GUCY1B1: variants seen among roughly 807,000 people sequenced by gnomAD.
The protein encoded by GUCY1B1 is guanylate cyclase soluble subunit beta-1.
A neutral mutation model predicts 71.0 loss-of-function variants in GUCY1B1; 43 were observed. That is an observed-to-expected ratio of 0.61 (90% CI 0.47 to 0.78). The LOEUF (loss-of-function observed/expected upper bound fraction) is 0.78, where lower values mean the gene tolerates loss of function less well. GUCY1B1 is among the 30% of genes least tolerant of loss of function. The pLI, the probability that GUCY1B1 is intolerant of heterozygous loss-of-function variation, is 0.00. For synonymous variants in GUCY1B1, 266 were observed against 259.7 expected, an observed-to-expected ratio of 1.02 and a Z score of -0.23; for missense variants, 535 against 754.1, an observed-to-expected ratio of 0.71 and a Z score of 3.40.
At chr4:155,795,315 C>G (rs748991158) in intron 6 of GUCY1B1, 26 bp from the exon 7 acceptor site, 5 of 1,156,822 alleles carry the variant, frequency 4.3e-6, no homozygotes, top group Non-Finnish European at 6.5e-6. Flanking sequence ...TGATGTGATA[C>G]TCTTTGCTCT....
chr4:155,795,999 T>A (rs2111141529), intron 7 of GUCY1B1, among the ~76,000 whole-genome samples: 1 of 152,310 alleles, frequency 6.6e-6, no homozygotes, highest in East Asian at 1.9e-4. Flanking sequence ...TGGAACTGAC[T>A]GTTTGCAGCT....
chr4:155,777,152 C>G (rs1738105599), intron 3 of GUCY1B1, among the ~76,000 whole-genome samples: 1 of 152,200 alleles, frequency 6.6e-6, no homozygotes, highest in African/African-American at 2.4e-5. Flanking sequence ...TGACTGCAAT[C>G]CATTACACGA....
At chr4:155,780,638 G>A (rs1331900163) in intron 4 of GUCY1B1, among the ~76,000 whole-genome samples, 1 of 152,090 alleles carries the variant, frequency 6.6e-6, no homozygotes, top group African/African-American at 2.4e-5. Context: ...GTGAATATTT[G>A]TTGTTTGTGC....
intron 1 of GUCY1B1, 189 bp downstream of exon 1, chr4:155,759,332 G>T: frequency 1.7e-6 from 1 of 591,340 alleles, no homozygotes; most frequent in East Asian, 3.2e-5. Context: ...CGTGGCGGGG[G>T]CGATCGGTGC....
chr4:155,765,661 T>C (rs1040394517), intron 2 of GUCY1B1, among the ~76,000 whole-genome samples: 2 of 152,208 alleles, frequency 1.3e-5, no homozygotes, highest in African/African-American at 4.8e-5. Context: ...AATATGAAAT[T>C]GTTAAATTTA....
chr4:155,802,485 G>T lies in GUCY1B1; in HGVS notation c.1319G>T (p.Gly440Val). 6.2e-7 allele frequency: 1 copy of T among 1,613,720 alleles called. No individual in the cohort carries two copies. Among genetic ancestry groups the T allele is most frequent in the Non-Finnish European group, 8.5e-7 (1 of 1,179,744 alleles). The change falls in exon 10 of 14, where the codon GGA (glycine) becomes GTA (valine). Residue 440 changes from glycine (G) to valine (V), a missense_variant. By Grantham distance (109) the Gly-to-Val change is moderately radical. Transcript: ENST00000264424. The surrounding 1 kb of genome is among the most constrained non-coding windows in gnomAD (Gnocchi z 4.3). ...FNAFCSKHAS[G>V]EGAMKIVNLL... ...GCTTTCTGTAGCAAGCATGCATCTG[G>T]AGAAGGAGCCATGAAGATCGTCAAC... is the stretch of plus-strand genomic sequence containing the variant.
intron 9 of GUCY1B1, among the ~76,000 whole-genome samples, chr4:155,801,843 G>C (rs1739977114): frequency 6.6e-6 from 1 of 152,094 alleles, no homozygotes; most frequent in African/African-American, 2.4e-5. Flanking sequence ...GGAGGAGTGA[G>C]GCATGAATGA....
At chr4:155,777,776 A>G in intron 4 of GUCY1B1, 134 bp downstream of exon 4, 1 of 541,846 alleles carries the variant, frequency 1.8e-6, no homozygotes, top group South Asian at 3.0e-5. Flanking sequence ...ACCTTTTTCT[A>G]ATTCACATAA....
At chr4:155,770,277 C>A (rs923140661) in intron 2 of GUCY1B1, among the ~76,000 whole-genome samples, 1 of 152,114 alleles carries the variant, frequency 6.6e-6, no homozygotes, top group African/African-American at 2.4e-5. Context: ...AGAAGGAAGC[C>A]TGCAGTGTGG....
Position 155,759,860 on chromosome 4 carries a change from A to G in GUCY1B1, c.77A>G (p.Lys26Arg), listed in dbSNP as rs1240254197. Residue 26 changes from lysine (K) to arginine (R), a missense_variant and splice_region_variant, in exon 2 of 14, where the codon AAA becomes AGA. Lys to Arg is a conservative substitution (Grantham distance 26). Transcript: ENST00000264424. ...NYGPEVWEDI[K>R]KEAQLDEEGQ... ...GGCCCCGAGGTGTGGGAAGACATCAAGTAAGTGGCCGGCTACCCTGGCTGT... is the reference window on the plus strand; with the variant it reads ...GGCCCCGAGGTGTGGGAAGACATCAGGTAAGTGGCCGGCTACCCTGGCTGT... 2.5e-6 allele frequency: 4 copies of G among 1,609,928 alleles called. No individual in the cohort carries two copies. The highest frequency in any genetic ancestry group is 1.3e-5 in the African/African-American group (1 of 74,654).
In GUCY1B1 at chr4:155,794,019, A is replaced by G. The variant is rs779924678; in HGVS notation, c.659A>G (p.His220Arg). 2 of 1,613,476 alleles carry G rather than the reference A, an allele frequency of 1.2e-6. No individual in the cohort carries two copies. The highest frequency in any genetic ancestry group is 1.7e-6 in the Non-Finnish European group (2 of 1,179,436). ...ACATTCTGCAAAGCTTTTCCTTTTC[A>G]TATAATATTTGACCGGGACCTAGTG... ...PYTFCKAFPF[H>R]IIFDRDLVVT... The change falls in exon 6 of 14, where the codon CAT (histidine) becomes CGT (arginine). Residue 220 changes from histidine (H) to arginine (R), a missense_variant. Coordinates refer to ENST00000264424, the MANE Select transcript of GUCY1B1 (RefSeq NM_000857.5).
intron 8 of GUCY1B1, among the ~76,000 whole-genome samples, chr4:155,798,250 T>C (rs1489037213): frequency 2.0e-5 from 3 of 152,208 alleles, no homozygotes; most frequent in Non-Finnish European, 4.4e-5. Context: ...AAAATAATTC[T>C]AAGATGATTA....
Position 155,759,508 on chromosome 4 carries a change from C to T in GUCY1B1, c.4-279C>T, listed in dbSNP as rs1736805703. On this transcript the variant is annotated intron_variant, in intron 1 of 13. Coordinates refer to ENST00000264424, the MANE Select transcript of GUCY1B1 (RefSeq NM_000857.5). ...CTCCGGGTTCGCGTCCCCGCGCTGCCCCCGATGCCCAGCCTCTCCCGGAGC... is the reference window on the plus strand; with the variant it reads ...CTCCGGGTTCGCGTCCCCGCGCTGCTCCCGATGCCCAGCCTCTCCCGGAGC... The T allele has an allele frequency of 2.7e-5, 14 of 512,838 alleles. No individual in the cohort carries two copies. The East Asian group carries it at 3.8e-4, about 14-fold the overall frequency. 31.8% of individuals were successfully genotyped at this position (512,838 alleles called of 1,614,324 possible).
chr4:155,797,574 C>G (rs1385987712), intron 8 of GUCY1B1, among the ~76,000 whole-genome samples: 1 of 151,632 alleles, frequency 6.6e-6, no homozygotes, highest in Non-Finnish European at 1.5e-5. Flanking sequence ...CCCATCTCTA[C>G]TAAAAATACA....
In GUCY1B1 at chr4:155,802,215, G is replaced by C; in HGVS notation, c.1176-127G>C. The C allele has an allele frequency of 6.6e-7, 1 of 1,512,946 alleles. No individual in the cohort carries two copies. Among genetic ancestry groups the C allele is most frequent in the Non-Finnish European group, 8.8e-7 (1 of 1,133,874 alleles). 93.7% of individuals were successfully genotyped at this position (1,512,946 alleles called of 1,614,324 possible). On this transcript the variant is annotated intron_variant, in intron 9 of 13. Coordinates refer to ENST00000264424, the MANE Select transcript of GUCY1B1 (RefSeq NM_000857.5). The surrounding 1 kb of genome is among the most constrained non-coding windows in gnomAD (Gnocchi z 4.3). ...CTAATATTTGATGCTAATTTTAGAG[G>C]ATGTCCTGCTAGAATCCAGGCCTTT...
rs998515570 is a variant in GUCY1B1 at position 155,806,376 on chromosome 4, C to A, written c.1837-10C>A. The stretch of plus-strand genomic sequence containing the variant: ...GTAAATCAATCCCTCTTTTCTTCTG[C>A]CTATTTAAGGAAACAAAGCAGGATG... On this transcript the variant is annotated splice_polypyrimidine_tract_variant and intron_variant, in intron 13 of 13. Transcript: ENST00000264424. 1.3e-6 allele frequency: 2 copies of A among 1,582,232 alleles called. No homozygotes were observed. The highest frequency in any genetic ancestry group is 1.1e-5 in the South Asian group (1 of 90,206).
At chr4:155,759,704 G>T in intron 1 of GUCY1B1, 83 bp from the exon 2 acceptor site, 1 of 953,034 alleles carries the variant, frequency 1.0e-6, no homozygotes. Flanking sequence ...AGCGCCATGG[G>T]AGCAGAGGCA....
intron 10 of GUCY1B1, 125 bp from the exon 11 acceptor site, chr4:155,803,499 G>T: frequency 1.9e-6 from 1 of 530,482 alleles, no homozygotes; most frequent in Non-Finnish European, 3.1e-6. Context: ...AATTTTAAGA[G>T]AATTAAAGGG....
intron 2 of GUCY1B1, among the ~76,000 whole-genome samples, chr4:155,760,600 T>G (rs879298901): frequency 2.6e-5 from 4 of 152,164 alleles, no homozygotes; most frequent in Non-Finnish European, 4.4e-5. Flanking sequence ...TGGGTCAGCA[T>G]GTCTGCAGGC....
Sources: allele counts gnomAD v4.1 joint callset (sites outside exome capture counted in the v4.1 genomes callset), GRCh38; gene constraint gnomAD v4.1.1; non-coding constraint Gnocchi (gnomAD v3.1); transcripts MANE v1.5; gene names NCBI Gene and HGNC (gene_info 2026-07-23, HGNC 2026-07-21).